Variants in KCTD19 observed in about 807,000 individuals in gnomAD.
The protein encoded by KCTD19 is BTB/POZ domain-containing protein KCTD19.
KCTD19 carries 67 observed loss-of-function variants against 103.5 expected under a neutral mutation model. The ratio of observed to expected loss-of-function variants is 0.65; its 90% CI spans 0.53 to 0.79. The LOEUF (loss-of-function observed/expected upper bound fraction) is 0.79. KCTD19 is among the 30% of genes least tolerant of loss of function. The pLI is 0.00. For missense variants in KCTD19, 980 were observed against 1,136.1 expected (o/e 0.86, Z 1.98); for synonymous variants, 439 against 452.2 (o/e 0.97, Z 0.37).
rs1266743227 is a variant in KCTD19 at position 67,320,713 on chromosome 16, T to C, written c.176A>G (p.Asp59Gly). Residue 59 changes from aspartate to glycine, a missense_variant, in exon 2 of 16, where the codon GAT becomes GGT. Asp to Gly is a moderately conservative substitution (Grantham distance 94). Transcript: ENST00000304372. The surrounding 1 kb of genome is among the most constrained non-coding windows in gnomAD (Gnocchi z 4.0). ...SESQRLFIDR[D>G]GSTFRHVHYY... ...GTGCACGTGCCTAAATGTGGAACCA[T>C]CTCTGTCGATAAATAGCCTCTGGCT... 6.2e-7 allele frequency: 1 copy of C among 1,614,062 alleles called. No homozygotes were observed. Among genetic ancestry groups the C allele is most frequent in the East Asian group, 2.2e-5 (1 of 44,888 alleles).
chr16:67,295,881 ATTACAGG>A (rs1299712796), intron 8 of KCTD19: 2 of 407,396 alleles, frequency 4.9e-6, no homozygotes, highest in African/African-American at 4.0e-5. Flanking sequence ...AGTATCTGGG[ATTACAGG>A]CACGTGCCAT....
chr16:67,298,430 G>A (rs910791252), intron 6 of KCTD19, among the ~76,000 whole-genome samples: 1 of 152,178 alleles, frequency 6.6e-6, no homozygotes, highest in African/African-American at 2.4e-5. Flanking sequence ...TCCAGGCCGT[G>A]TTTCCGGTTC....
At chr16:67,295,890 A>G in intron 8 of KCTD19, 1 of 417,004 alleles carries the variant, frequency 2.4e-6, no homozygotes, top group Non-Finnish European at 4.5e-6. Context: ...GATTACAGGC[A>G]CGTGCCATCA....
At chr16:67,306,358 TG>T (rs2036892930) in intron 2 of KCTD19, among the ~76,000 whole-genome samples, 1 of 152,122 alleles carries the variant, frequency 6.6e-6, no homozygotes, top group Non-Finnish European at 1.5e-5. Flanking sequence ...CTCCGCCTCC[TG>T]GGTTCAAGTG....
chr16:67,305,651 C>CTT, intron 2 of KCTD19: 3 of 443,806 alleles, frequency 6.8e-6, no homozygotes, highest in Middle Eastern at 3.3e-4. Context: ...CACCCCCTCC[C>CTT]TTTTTTTTTC....
intron 2 of KCTD19, among the ~76,000 whole-genome samples, chr16:67,304,833 T>A (rs542492068): frequency 7.9e-5 from 12 of 151,984 alleles, no homozygotes; most frequent in Non-Finnish European, 1.5e-4. Context: ...CTGGCTAATT[T>A]TTTTTTGTAT....
At chr16:67,324,315 G>A (rs2037106778) in intron 1 of KCTD19, among the ~76,000 whole-genome samples, 1 of 152,020 alleles carries the variant, frequency 6.6e-6, no homozygotes, top group African/African-American at 2.4e-5. Flanking sequence ...TTTTTTAAAG[G>A]GTAGTAAATA....
At chr16:67,302,179 C>A (rs753539442) in intron 4 of KCTD19, 31 of 380,068 alleles carry the variant, frequency 8.2e-5, no homozygotes, top group Non-Finnish European at 1.5e-4. Context: ...CCAAGCCAGG[C>A]CCTCCTGGTG....
chr16:67,297,800 A>ATT, intron 6 of KCTD19, 137 bp from the exon 7 acceptor site: 19 of 701,382 alleles, frequency 2.7e-5, no homozygotes, highest in Middle Eastern at 4.5e-4. Flanking sequence ...GTTTCCTTGT[A>ATT]TTTTTTTTTT....
chr16:67,304,727 G>A (rs561370785), intron 2 of KCTD19, among the ~76,000 whole-genome samples, 156 bp from the exon 3 acceptor site: 59 of 151,446 alleles, frequency 3.9e-4, no homozygotes, highest in African/African-American at 1.4e-3. Flanking sequence ...GCAGTGGTGC[G>A]ATCTCAGCTC....
rs1222800786 is a variant in KCTD19, at chr16:67,314,820, TATATATATATAG to T, written c.300+5757_300+5768del. On this transcript the variant is annotated intron_variant, in intron 2 of 15. Coordinates refer to ENST00000304372, the MANE Select transcript of KCTD19 (RefSeq NM_001100915.3). Reference sequence around the variant, plus strand: ...AGCATTATATATATATATATATATATATATATATATAGAGAGAGAGAGAGAGAGAGAGAGAGA... The same window carrying T: ...AGCATTATATATATATATATATATATAGAGAGAGAGAGAGAGAGAGAGAGA... 4.9e-3 allele frequency among the ~76,000 whole-genome samples: 413 copies of T among 84,856 alleles called. 2 individuals carry two copies. The highest frequency in any genetic ancestry group is 0.013 in the Middle Eastern group (2 of 154). The allele number at this position is 84,856 out of a possible 152,430, so 55.7% of individuals were successfully genotyped here. A position where few individuals can be genotyped will look rare whatever the true frequency, so the allele number is the denominator to read the frequency against.
intron 1 of KCTD19, among the ~76,000 whole-genome samples, chr16:67,324,366 C>T (rs986131457): frequency 1.3e-5 from 2 of 152,064 alleles, no homozygotes; most frequent in Admixed American, 6.5e-5. Flanking sequence ...AAAACAATAT[C>T]GAATTCTAAT....
rs763050594 is a variant in KCTD19 at position 67,303,297 on chromosome 16, G to A, written c.492C>T (p.Pro164=). Residue 164 remains proline, a synonymous_variant, in exon 4 of 16, where the codon CCC becomes CCT. Transcript: ENST00000304372. This position sits in a 1 kb window ranked among gnomAD's most constrained non-coding sequence, Gnocchi z 4.3. ...DKAPLGLMDT[P]LLDTEEEVHY... ...GCACCTCCTCTTCTGTGTCTAACAG[G>A]GGTGTGTCCATGAGCCCCAGAGGTG... The A allele has an allele frequency of 2.5e-6, 4 of 1,613,870 alleles. No homozygotes were observed. Among genetic ancestry groups the A allele is most frequent in the East Asian group, 2.2e-5 (1 of 44,890 alleles).
At chr16:67,295,967 A>T (rs1199493346) in intron 8 of KCTD19, 192 bp downstream of exon 8, 6 of 552,800 alleles carry the variant, frequency 1.1e-5, no homozygotes, top group Non-Finnish European at 1.6e-5. Context: ...CTGGTCTTGA[A>T]CTCCTGATCT....
intron 7 of KCTD19, 25 bp from the exon 8 acceptor site, chr16:67,296,284 ACAT>A: frequency 1.4e-6 from 2 of 1,432,378 alleles, no homozygotes; most frequent in South Asian, 1.1e-5. Flanking sequence ...GAGATAGAAC[ACAT>A]CATCATATGG....
chr16:67,291,533 G>A lies in KCTD19; in HGVS notation c.2411-70C>T. On this transcript the variant is annotated intron_variant, in intron 13 of 15. Transcript: ENST00000304372. ...AGGGCCTTAGAGACAGTGTGAGGAG[G>A]GGGAGAGGGGTAGGGCCCCCAGGGG... is the stretch of plus-strand genomic sequence containing the variant. 9.5e-6 allele frequency: 15 copies of A among 1,575,434 alleles called. No individual in the cohort carries two copies. The South Asian group carries it at 1.4e-4, about 15-fold the overall frequency.
chr16:67,291,753 A>G lies in KCTD19; in HGVS notation c.2303T>C (p.Val768Ala). 6.2e-7 allele frequency: 1 copy of G among 1,614,004 alleles called. No homozygotes were observed. Among genetic ancestry groups the G allele is most frequent in the South Asian group, 1.1e-5 (1 of 91,078 alleles). The change falls in exon 13 of 16, where the codon GTG becomes GCG. Residue 768 changes from valine to alanine, a missense_variant. Physicochemically the swap from Val to Ala is moderately conservative, Grantham distance 64 (BLOSUM62 0). Coordinates refer to ENST00000304372, the MANE Select transcript of KCTD19 (RefSeq NM_001100915.3). The stretch of plus-strand genomic sequence containing the variant: ...CATGCAGAAGCCATCGCTGCCCACC[A>G]CGGGGGGGTGAGTCACTTTGAGGAT... ...GVILKVTHPPVVGSDGFCMFF... is the reference protein window; with the variant it reads ...GVILKVTHPPAVGSDGFCMFF...
chr16:67,294,012 T>C lies in KCTD19; in HGVS notation c.1750A>G (p.Asn584Asp), dbSNP rs1454443413. 5 of 1,614,084 alleles carry C rather than the reference T, an allele frequency of 3.1e-6. No homozygotes were observed. The highest frequency in any genetic ancestry group is 4.2e-6 in the Non-Finnish European group (5 of 1,180,050). The change falls in exon 12 of 16, where the codon AAC (asparagine) becomes GAC (aspartate). Residue 584 changes from asparagine (N) to aspartate (D), a missense_variant. Coordinates refer to ENST00000304372, the MANE Select transcript of KCTD19 (RefSeq NM_001100915.3). ...SLCRNAKRAGNPSTYSHCRGL... is the reference protein window; with the variant it reads ...SLCRNAKRAGDPSTYSHCRGL... ...CGGCAGTGTGAGTATGTGCTAGGGT[T>C]GCCAGCCCTCTTGGCATTTCGGCAT...
rs2037099988 is a variant in KCTD19, at chr16:67,323,731, G to A, written c.4-2846C>T. Among the ~76,000 whole-genome samples the A allele has an allele frequency of 6.6e-6, 1 of 152,122 alleles. No individual in the cohort carries two copies. The highest frequency in any genetic ancestry group is 6.5e-5 in the Admixed American group (1 of 15,268). ...GAGAGGCTATGGGGAGATGGGGTGT[G>A]ACTACTAATGAGTATGGGATTTCTT... On this transcript the variant is annotated intron_variant, in intron 1 of 15. Coordinates refer to ENST00000304372, the MANE Select transcript of KCTD19 (RefSeq NM_001100915.3). The surrounding 1 kb of genome is among the most constrained non-coding windows in gnomAD (Gnocchi z 4.1).
Sources: allele counts gnomAD v4.1 joint callset (sites outside exome capture counted in the v4.1 genomes callset), GRCh38; gene constraint gnomAD v4.1.1; non-coding constraint Gnocchi (gnomAD v3.1); transcripts MANE v1.5; gene names NCBI Gene and HGNC (gene_info 2026-07-23, HGNC 2026-07-21).